The following CLPTM1L variants were observed in gnomAD, a reference collection of about 807,000 sequenced individuals.
The protein encoded by CLPTM1L is lipid scramblase CLPTM1L.
Under a neutral mutation model 70.9 loss-of-function variants are expected in CLPTM1L, and 38 were observed. The observed-to-expected ratio is 0.54, with a 90% CI of 0.41 to 0.70. CLPTM1L has a LOEUF of 0.70. Among genes scored for constraint, CLPTM1L ranks in the 30% least tolerant of loss-of-function variants. The pLI is 0.00. For missense variants in CLPTM1L, 652 were observed against 705.9 expected (o/e 0.92, Z 0.87); for synonymous variants, 339 against 299.9 (o/e 1.13, Z -1.35).
rs1359975773 is a variant in CLPTM1L at position 1,323,515 on chromosome 5, A to AT, written c.1280+271_1280+272insA. ...GGCCAGCACCCCACACGGGCAGCAG[A>AT]GGCCAGGGGCTCCAGGACCCCTCTC... On this transcript the variant is annotated intron_variant, in intron 12 of 16. Coordinates refer to ENST00000320895, the MANE Select transcript of CLPTM1L (RefSeq NM_030782.5). Among the ~76,000 whole-genome samples, 39 of 152,266 alleles carry AT rather than the reference A, an allele frequency of 2.6e-4. 1 individual carries two copies. Among genetic ancestry groups the AT allele is most frequent in the Middle Eastern group, 3.4e-3 (1 of 294 alleles).
rs199731429 is a variant in CLPTM1L at position 1,321,735 on chromosome 5, C to T, written c.1371+29G>A. On this transcript the variant is annotated intron_variant, in intron 14 of 16. Coordinates refer to ENST00000320895, the MANE Select transcript of CLPTM1L (RefSeq NM_030782.5). Reference sequence around the variant, plus strand: ...TGTGGGCAGCACAGGAGACGGGGGCCGGGCCGCGGGCAGCACACACCGCCT... The same window carrying T: ...TGTGGGCAGCACAGGAGACGGGGGCTGGGCCGCGGGCAGCACACACCGCCT... 1,717 of 1,613,842 alleles carry T rather than the reference C, an allele frequency of 1.1e-3. 26 individuals are homozygous for T. In the South Asian group the frequency reaches 0.017, roughly 16 times the overall value.
At chr5:1,322,307 T>C (rs116132914) in intron 13 of CLPTM1L, among the ~76,000 whole-genome samples, 2,284 of 152,236 alleles carry the variant, frequency 0.015, 47 homozygotes, top group African/African-American at 0.052. Flanking sequence ...GGCTGGGGGA[T>C]GGACACAGCA....
chr5:1,343,372 T>A (rs929837507), intron 2 of CLPTM1L, among the ~76,000 whole-genome samples: 1 of 152,168 alleles, frequency 6.6e-6, no homozygotes, highest in Non-Finnish European at 1.5e-5. Context: ...GAGGCGGAGC[T>A]GTGTTAAGAG....
At chr5:1,335,293 G>T in intron 5 of CLPTM1L, 119 bp from the exon 6 acceptor site, 1 of 787,256 alleles carries the variant, frequency 1.3e-6, no homozygotes, top group South Asian at 1.5e-5. Context: ...GGTCAGCCAT[G>T]ACTGGGCCCA....
intron 15 of CLPTM1L, among the ~76,000 whole-genome samples, chr5:1,321,225 C>T (rs1036749471): frequency 2.6e-5 from 4 of 152,264 alleles, no homozygotes; most frequent in South Asian, 4.1e-4. Context: ...TAATCCCACA[C>T]GGAGCCAAGG....
rs776088439 is a variant in CLPTM1L, at chr5:1,337,872, C to A, written c.678+32G>T. ...AGTCTTGGGGTCAGTGTCTCGCCAG[C>A]TGCACAACCAGCGGGCAGAGGTGTC... On this transcript the variant is annotated intron_variant, in intron 5 of 16. Transcript: ENST00000320895. 5 of 1,546,294 alleles carry A rather than the reference C, an allele frequency of 3.2e-6. No individual in the cohort carries two copies. The East Asian group carries it at 9.4e-5, about 29-fold the overall frequency.
At chr5:1,330,621 T>A (rs1753023960) in intron 8 of CLPTM1L, 1 of 519,294 alleles carries the variant, frequency 1.9e-6, no homozygotes, top group African/African-American at 1.9e-5. Context: ...CAAACACGTG[T>A]CTGAGCCACA....
chr5:1,344,438 G>A lies in CLPTM1L; in HGVS notation c.176C>T (p.Thr59Ile), dbSNP rs368506606. ...RRPKLQLSVY[T>I]TTRSHLGAEN... ...AGCACCCAGGTGGGACCTCGTCGTGGTGTACACGCTCAGCTGGAAAGGAGG... is the reference window on the plus strand; with the variant it reads ...AGCACCCAGGTGGGACCTCGTCGTGATGTACACGCTCAGCTGGAAAGGAGG... The change falls in exon 2 of 17, where the codon ACC becomes ATC. Residue 59 changes from threonine (T) to isoleucine (I), a missense_variant. Thr to Ile is a moderately conservative substitution (Grantham distance 89). This residue lies in a region of CLPTM1L where 402 missense variants were observed against 388.2 expected (regional missense o/e 1.04). Coordinates refer to ENST00000320895, the MANE Select transcript of CLPTM1L (RefSeq NM_030782.5). 5.0e-6 allele frequency: 8 copies of A among 1,613,362 alleles called. No individual in the cohort carries two copies. The highest frequency in any genetic ancestry group is 5.9e-6 in the Non-Finnish European group (7 of 1,179,758).
At chr5:1,322,266 C>G (rs372497518) in intron 13 of CLPTM1L, among the ~76,000 whole-genome samples, 88 of 152,274 alleles carry the variant, frequency 5.8e-4, no homozygotes, top group African/African-American at 2.0e-3. Flanking sequence ...CCAAAGAGAC[C>G]ACAAAGCTGC....
intron 7 of CLPTM1L, 146 bp from the exon 8 acceptor site, chr5:1,332,029 C>A (rs1250761100): frequency 1.5e-5 from 10 of 688,048 alleles, no homozygotes; most frequent in Admixed American, 2.2e-5. Flanking sequence ...CACTCGGGAC[C>A]CATGCCTCTA....
rs1752473518 is a variant in CLPTM1L at position 1,325,564 on chromosome 5, T to C, written c.1146+187A>G. The C allele has an allele frequency of 1.9e-5, 12 of 618,464 alleles. 1 individual carries two copies. In the South Asian group the frequency reaches 2.2e-4, roughly 11 times the overall value. 38.3% of individuals were successfully genotyped at this position (618,464 alleles called of 1,614,324 possible). A position where few individuals can be genotyped will look rare whatever the true frequency, so the allele number is the denominator to read the frequency against. ...CTGAAGACGGTCAGAACTAGGTATA[T>C]GACCGGGGAATCCTCAGGCGAAGAG... is the stretch of plus-strand genomic sequence containing the variant. On this transcript the variant is annotated intron_variant, in intron 10 of 16. Coordinates refer to ENST00000320895, the MANE Select transcript of CLPTM1L (RefSeq NM_030782.5).
chr5:1,327,363 T>G (rs1430012718), intron 9 of CLPTM1L, among the ~76,000 whole-genome samples: 2 of 145,506 alleles, frequency 1.4e-5, no homozygotes, highest in South Asian at 2.2e-4. Context: ...GCTCCTCCTC[T>G]ACAGGCACAT....
Position 1,341,803 on chromosome 5 carries a change from G to A in CLPTM1L, c.321C>T (p.Tyr107=). 1 of 1,614,130 alleles carries A rather than the reference G, an allele frequency of 6.2e-7. No individual in the cohort carries two copies. Among genetic ancestry groups the A allele is most frequent in the Non-Finnish European group, 8.5e-7 (1 of 1,180,004 alleles). ...GGACCCCAGCGTGATGGAGGAAGAT[G>A]TAGGCATACAGCGTCCCATTGTTTC... is the stretch of plus-strand genomic sequence containing the variant. ...KTRNNGTLYA[Y]IFLHHAGVLP... Residue 107 remains tyrosine (Y), a synonymous_variant, in exon 3 of 17, where the codon TAC becomes TAT. Coordinates refer to ENST00000320895, the MANE Select transcript of CLPTM1L (RefSeq NM_030782.5).
Position 1,323,756 on chromosome 5 carries a change from C to T in CLPTM1L, c.1280+31G>A, listed in dbSNP as rs117731060. ...CCAAATGGCTTTCTCAGGGGAAAGA[C>T]GCAGCAGGGGAAGCGTGTGCGGCCT... On this transcript the variant is annotated intron_variant, in intron 12 of 16. Coordinates refer to ENST00000320895, the MANE Select transcript of CLPTM1L (RefSeq NM_030782.5). 2.6e-4 allele frequency: 414 copies of T among 1,575,450 alleles called. No individual in the cohort carries two copies. In the East Asian group the frequency reaches 5.8e-3, roughly 22 times the overall value.
rs780776403 is a variant in CLPTM1L, at chr5:1,323,832, C to G, written c.1235G>C (p.Cys412Ser). ...GAGTGAATAGACAGCACCCCCGACA[C>G]AGAGAGGGTACAGCAGGTATGACAA... ...KYLSYLLYPL[C>S]VGGAVYSLLN... is the part of the protein sequence containing the mutation. Residue 412 changes from cysteine (C) to serine (S), a missense_variant, in exon 12 of 17, where the codon TGT (cysteine) becomes TCT (serine). Cys to Ser is a moderately radical substitution (Grantham distance 112, BLOSUM62 -1). This residue lies in a region of CLPTM1L where 240 missense variants were observed against 295.0 expected (regional missense o/e 0.81). Coordinates refer to ENST00000320895, the MANE Select transcript of CLPTM1L (RefSeq NM_030782.5). The G allele has an allele frequency of 2.1e-5, 34 of 1,613,746 alleles. No homozygotes were observed. In the Admixed American group the frequency reaches 3.0e-4, roughly 14 times the overall value.
Position 1,319,303 on chromosome 5 carries a change from C to T in CLPTM1L, c.1533-850G>A, listed in dbSNP as rs1158528655. 2.1e-5 allele frequency among the ~76,000 whole-genome samples: 3 copies of T among 145,632 alleles called. No homozygotes were observed. The South Asian group carries it at 6.3e-4, about 31-fold the overall frequency. On this transcript the variant is annotated intron_variant, in intron 16 of 16. Coordinates refer to ENST00000320895, the MANE Select transcript of CLPTM1L (RefSeq NM_030782.5). ...TGTTGCTTATGGTGAAATAGCCCTT[C>T]CCGCTGACACAAGCTGGAGCTCCCG... is the stretch of plus-strand genomic sequence containing the variant.
intron 9 of CLPTM1L, among the ~76,000 whole-genome samples, chr5:1,328,937 GACATTCCATCCAGCTCCTCCTCTACAGAC>G (rs1561237674): frequency 9.1e-6 from 1 of 109,312 alleles, no homozygotes. Flanking sequence ...CCTCTACAGG[GACATTCCATCCAGCTCCTCCTCTACAGAC>G]ACATTTCATA....
chr5:1,327,102 GACAGACACATTCCATCCAGCTCCTCCTCT>G, intron 9 of CLPTM1L, among the ~76,000 whole-genome samples: 1 of 74,758 alleles, frequency 1.3e-5, no homozygotes, highest in African/African-American at 5.5e-5. Flanking sequence ...GCTCCTCCTC[GACAGACACATTCCATCCAGCTCCTCCTCT>G]ACAGACACAT....
intron 2 of CLPTM1L, among the ~76,000 whole-genome samples, chr5:1,343,249 C>T (rs1754060086): frequency 6.6e-6 from 1 of 152,088 alleles, no homozygotes; most frequent in Non-Finnish European, 1.5e-5. Flanking sequence ...GCATCTATGG[C>T]TCCTCACTAC....
Sources: gnomAD v4.1 joint callset for allele counts (sites outside exome capture counted in the v4.1 genomes callset) on GRCh38, gnomAD v4.1.1 for gene constraint, gnomAD v4.1.1 regional missense constraint, MANE v1.5 for transcripts, NCBI Gene and HGNC (gene_info 2026-07-23, HGNC 2026-07-21) for gene names.